SLC16A4: variants seen among roughly 807,000 people sequenced by gnomAD.
SLC16A4 encodes the protein probable monocarboxylate transporter 5.
Under a neutral mutation model 47.9 loss-of-function variants are expected in SLC16A4, and 39 were observed. The observed-to-expected ratio is 0.81, with a 90% confidence interval of 0.63 to 1.06. The LOEUF is 1.06. SLC16A4 is among the 50% of genes least tolerant of loss of function. The pLI is 0.00. For synonymous variants in SLC16A4, 189 were observed against 199.9 expected (o/e 0.95, Z 0.46); for missense variants, 524 against 573.8 (o/e 0.91, Z 0.89).
chr1:110,372,198 A>G (rs928317501), intron 8 of SLC16A4: 1 of 152,200 alleles, frequency 6.6e-6, no homozygotes, highest in Non-Finnish European at 1.5e-5. Context: ...GTGATCTACA[A>G]GAGCATGGCT....
intron 8 of SLC16A4, among the ~76,000 whole-genome samples, chr1:110,368,826 A>G (rs1661535065): frequency 7.4e-6 from 1 of 135,416 alleles, no homozygotes; most frequent in African/African-American, 2.6e-5. Context: ...ATATTTTAAA[A>G]CTATTCCACA....
intron 3 of SLC16A4, 37 bp from the exon 4 acceptor site, chr1:110,381,832 AATG>A: frequency 1.9e-6 from 3 of 1,588,378 alleles, no homozygotes; most frequent in Non-Finnish European, 2.6e-6. Context: ...TTAGGTAAAT[AATG>A]ATCTGGCATC....
chr1:110,383,592 C>A (rs1487431388), intron 2 of SLC16A4, among the ~76,000 whole-genome samples: 1 of 152,042 alleles, frequency 6.6e-6, no homozygotes, highest in East Asian at 1.9e-4. Flanking sequence ...GCAGGGCCTG[C>A]AAATTATCTC....
rs566502794 is a variant in SLC16A4 at position 110,375,333 on chromosome 1, A to T, written c.1336+125T>A. Reference sequence around the variant, plus strand: ...CATTGGTGGTGGAGTGAGTAGATATAGGAAAAGCAGAAATAATCTGTTTCT... The same window carrying T: ...CATTGGTGGTGGAGTGAGTAGATATTGGAAAAGCAGAAATAATCTGTTTCT... On this transcript the variant is annotated intron_variant, in intron 8 of 8. Transcript: ENST00000369779. 106 of 657,996 alleles carry T rather than the reference A, an allele frequency of 1.6e-4. No homozygotes were observed. In the African/African-American group the frequency reaches 1.8e-3, roughly 11 times the overall value. 40.8% of individuals were successfully genotyped at this position (657,996 alleles called of 1,614,324 possible). A position where few individuals can be genotyped will look rare whatever the true frequency, so the allele number is the denominator to read the frequency against.
intron 5 of SLC16A4, 99 bp from the exon 6 acceptor site, chr1:110,379,455 T>A: frequency 9.0e-7 from 1 of 1,110,892 alleles, no homozygotes; most frequent in Non-Finnish European, 1.3e-6. Flanking sequence ...CATAGCCCAT[T>A]AATTCTTGAA....
chr1:110,383,185 A>T (rs1192705822), intron 2 of SLC16A4, among the ~76,000 whole-genome samples: 1 of 152,156 alleles, frequency 6.6e-6, no homozygotes, highest in Admixed American at 6.5e-5. Context: ...TCCTCATTTC[A>T]TGGCTTTGGA....
intron 8 of SLC16A4, among the ~76,000 whole-genome samples, chr1:110,374,812 T>G (rs558230360): frequency 6.6e-6 from 1 of 152,338 alleles, no homozygotes; most frequent in African/African-American, 2.4e-5. Context: ...CTCCCATCCT[T>G]GGTACTGACA....
intron 8 of SLC16A4, among the ~76,000 whole-genome samples, chr1:110,367,453 G>A (rs1028530159): frequency 6.6e-6 from 1 of 152,038 alleles, no homozygotes; most frequent in Non-Finnish European, 1.5e-5. Context: ...GACCAGCCTG[G>A]GCAACACAGT....
At chr1:110,371,871 C>T (rs1314479100) in intron 8 of SLC16A4, 1 of 152,184 alleles carries the variant, frequency 6.6e-6, no homozygotes. Context: ...CATTGTCTTA[C>T]AGAGGAGGTG....
chr1:110,377,250 A>C, intron 6 of SLC16A4, 89 bp from the exon 7 acceptor site: 3 of 1,068,526 alleles, frequency 2.8e-6, no homozygotes, highest in Non-Finnish European at 2.8e-6. Flanking sequence ...ATATGATCTC[A>C]TCCTGAGGCC....
rs765782928 is a variant in SLC16A4, at chr1:110,382,880, T to C, written c.174A>G (p.Gln58=). ...ACATGATGGATCCAATCCAACCAAT[T>C]TGCTCTGAGGTGCCTTCAAACTCTT... ...FQEEFEGTSE[Q]IGWIGSIMSS... Residue 58 remains glutamine (Q), a synonymous_variant, in exon 3 of 9, where the codon CAA becomes CAG. Transcript: ENST00000369779. 6 of 1,612,280 alleles carry C rather than the reference T, an allele frequency of 3.7e-6. No homozygotes were observed. In the South Asian group the frequency reaches 6.6e-5, roughly 18 times the overall value.
chr1:110,380,325 C>A (rs1488908574), intron 5 of SLC16A4, among the ~76,000 whole-genome samples: 1 of 152,056 alleles, frequency 6.6e-6, no homozygotes, highest in East Asian at 1.9e-4. Flanking sequence ...AAAGATTCAA[C>A]AAAACTGCCA....
intron 8 of SLC16A4, chr1:110,372,994 ACT>A (rs887809725): frequency 1.4e-4 from 21 of 151,994 alleles, no homozygotes; most frequent in African/African-American, 5.1e-4. Context: ...AAAGTGATAT[ACT>A]CTTTTTTAAT....
rs759302637 is a variant in SLC16A4 at position 110,377,066 on chromosome 1, A to G, written c.1126T>C (p.Cys376Arg). Reference protein sequence around the residue: ...YHYHKSYLILCGITNLLAPLA... With the variant: ...YHYHKSYLILRGITNLLAPLA... The stretch of plus-strand genomic sequence containing the variant: ...GGAGCAAGCAGGTTAGTGATGCCGC[A>G]GAGGATGAGGTAAGACTTGTGGTAA... Residue 376 changes from cysteine (C) to arginine (R), a missense_variant, in exon 7 of 9, where the codon TGC (cysteine) becomes CGC (arginine). Cys to Arg is a radical substitution (Grantham distance 180). Transcript: ENST00000369779. The G allele has an allele frequency of 6.2e-7, 1 of 1,614,182 alleles. No homozygotes were observed. Among genetic ancestry groups the G allele is most frequent in the Non-Finnish European group, 8.5e-7 (1 of 1,180,016 alleles).
rs1246336269 is a variant in SLC16A4 at position 110,366,838 on chromosome 1, A to T, written c.1337-2945T>A. 3.3e-5 allele frequency among the ~76,000 whole-genome samples: 5 copies of T among 152,204 alleles called. 1 individual carries two copies. Among genetic ancestry groups the T allele is most frequent in the African/African-American group, 1.2e-4 (5 of 41,446 alleles). Reference sequence around the variant, plus strand: ...TTTAGAATTATTTCTATGTATTTCCATGCAAAATTAGGTGAAATAAAACCT... The same window carrying T: ...TTTAGAATTATTTCTATGTATTTCCTTGCAAAATTAGGTGAAATAAAACCT... On this transcript the variant is annotated intron_variant, in intron 8 of 8. Transcript: ENST00000369779.
chr1:110,380,628 G>A (rs1284367258), intron 5 of SLC16A4, among the ~76,000 whole-genome samples: 1 of 122,002 alleles, frequency 8.2e-6, no homozygotes, highest in Non-Finnish European at 1.8e-5. Context: ...GTTTTTGATG[G>A]GGCGGGGGCG....
chr1:110,376,924 C>A, intron 7 of SLC16A4, 26 bp downstream of exon 7: 1 of 1,578,850 alleles, frequency 6.3e-7, no homozygotes, highest in Admixed American at 1.7e-5. Context: ...AATGGTTTAA[C>A]AATGTTAATG....
At position 110,363,894 on chromosome 1, in the gene SLC16A4, C is replaced by T; in HGVS notation, c.1337-1G>A. 3 of 1,597,376 alleles carry T rather than the reference C, an allele frequency of 1.9e-6. No homozygotes were observed. Among genetic ancestry groups the T allele is most frequent in the Middle Eastern group, 1.7e-4 (1 of 5,990 alleles). ...GTCTGGGTATAATCATATAACCAGC[C>T]TGGAAGGAAGGAATGATTTCTGTTA... On this transcript the variant is annotated splice_acceptor_variant, in intron 8 of 8. Transcript: ENST00000369779. LOFTEE classifies it high-confidence loss of function.
At chr1:110,375,266 A>G in intron 8 of SLC16A4, 192 bp downstream of exon 8, 1 of 575,250 alleles carries the variant, frequency 1.7e-6, no homozygotes, top group Non-Finnish European at 3.1e-6. Flanking sequence ...CTTAAGGCAC[A>G]TCTTAAGATA....
Sources: allele counts gnomAD v4.1 joint callset (sites outside exome capture counted in the v4.1 genomes callset), GRCh38; gene constraint gnomAD v4.1.1; transcripts MANE v1.5; gene names NCBI Gene and HGNC (gene_info 2026-07-23, HGNC 2026-07-21).